GRIN2B: variants seen among roughly 807,000 people sequenced by gnomAD.
GRIN2B encodes the protein glutamate receptor ionotropic, NMDA 2B.
Under a neutral mutation model 114.5 loss-of-function variants are expected in GRIN2B, and 5 were observed. The ratio of observed to expected loss-of-function variants is 0.04; its 90% confidence interval spans 0.02 to 0.09. GRIN2B has a LOEUF of 0.09. GRIN2B is among the 10% of genes least tolerant of loss of function. The pLI is 1.00. For missense variants in GRIN2B, 1,108 were observed against 1,943.5 expected, an observed-to-expected ratio of 0.57 and a Z score of 8.08; for synonymous variants, 787 against 745.1, an observed-to-expected ratio of 1.06 and a Z score of -0.92.
At chr12:13,962,165 T>G (rs1450149885) in intron 2 of GRIN2B, among the ~76,000 whole-genome samples, 1 of 149,372 alleles carries the variant, frequency 6.7e-6, no homozygotes, top group Non-Finnish European at 1.5e-5. Flanking sequence ...GCAGGGAGCA[T>G]GGCTTTGCTT....
At chr12:13,761,825 T>C (rs551649759) in intron 3 of GRIN2B, among the ~76,000 whole-genome samples, 8 of 151,908 alleles carry the variant, frequency 5.3e-5, no homozygotes, top group Non-Finnish European at 8.8e-5. Context: ...TGGAAAAAAA[T>C]GAAATGAATA....
At chr12:13,817,330 ACTGACTG>A (rs147254565) in intron 3 of GRIN2B, among the ~76,000 whole-genome samples, 24,180 of 152,000 alleles carry the variant, frequency 0.16, 2,388 homozygotes, top group Non-Finnish European at 0.22. Flanking sequence ...AGCAACGCCC[ACTGACTG>A]GGAGCAAACC....
In GRIN2B at chr12:13,959,586, C is replaced by T. The variant is rs77911206; in HGVS notation, c.-19+20342G>A. Among the ~76,000 whole-genome samples, 489 of 151,914 alleles carry T rather than the reference C, an allele frequency of 3.2e-3. 4 individuals are homozygous for T. Among genetic ancestry groups the T allele is most frequent in the South Asian group, 8.9e-3 (43 of 4,820 alleles). On this transcript the variant is annotated intron_variant, in intron 2 of 13. Transcript: ENST00000609686. ...AAAATGAGGATCCAAGGAAACCATG[C>T]GGAGGGAGAACCGGCTGACATTGGC... is the stretch of plus-strand genomic sequence containing the variant.
intron 2 of GRIN2B, among the ~76,000 whole-genome samples, chr12:13,896,570 A>G (rs1260379747): frequency 6.6e-6 from 1 of 152,206 alleles, no homozygotes; most frequent in Non-Finnish European, 1.5e-5. Flanking sequence ...GTACAACTAC[A>G]TGGCAATGAT....
rs777639067 is a variant in GRIN2B, at chr12:13,563,733, C to T, written c.3505G>A (p.Gly1169Arg). Reference sequence around the variant, plus strand: ...GACCTGTTGGTACAGGGCCCTCCTCCGCTGACGGAGTCGCGCTTAAAGTCA... The same window carrying T: ...GACCTGTTGGTACAGGGCCCTCCTCTGCTGACGGAGTCGCGCTTAAAGTCA... ...SDDFKRDSVS[G>R]GGPCTNRSHI... is the part of the protein sequence containing the mutation. Residue 1169 changes from glycine to arginine, a missense_variant, in exon 14 of 14, where the codon GGA becomes AGA. Around this residue, in one of 19 missense-constraint regions of GRIN2B, gnomAD observed 478 missense variants for 506.0 expected, o/e 0.94. Coordinates refer to ENST00000609686, the MANE Select transcript of GRIN2B (RefSeq NM_000834.5). 1.1e-5 allele frequency: 17 copies of T among 1,613,768 alleles called. No homozygotes were observed. In the East Asian group the frequency reaches 2.2e-4, roughly 21 times the overall value.
intron 2 of GRIN2B, among the ~76,000 whole-genome samples, chr12:13,931,656 T>C (rs928358644): frequency 2.0e-5 from 3 of 152,196 alleles, no homozygotes; most frequent in Non-Finnish European, 4.4e-5. Context: ...AAATCAGAAA[T>C]ACCTTAAACT....
intron 2 of GRIN2B, among the ~76,000 whole-genome samples, chr12:13,903,488 T>A (rs1186715828): frequency 6.6e-6 from 1 of 152,114 alleles, no homozygotes; most frequent in Non-Finnish European, 1.5e-5. Flanking sequence ...TTAACACGAG[T>A]TATTTATCCA....
intron 3 of GRIN2B, among the ~76,000 whole-genome samples, chr12:13,786,903 C>T (rs1405107000): frequency 6.6e-6 from 1 of 151,812 alleles, no homozygotes; most frequent in African/African-American, 2.4e-5. Context: ...GTGCCTAGTC[C>T]TCCCGGTTTG....
At chr12:13,574,119 G>T (rs193055342) in intron 10 of GRIN2B, among the ~76,000 whole-genome samples, 729 of 152,240 alleles carry the variant, frequency 4.8e-3, no homozygotes, top group Non-Finnish European at 7.8e-3. Context: ...ACCCAAAGAG[G>T]GTAAGTAATT....
chr12:13,795,723 G>A (rs772233344), intron 3 of GRIN2B, among the ~76,000 whole-genome samples: 10 of 152,150 alleles, frequency 6.6e-5, no homozygotes, highest in Admixed American at 3.9e-4. Flanking sequence ...AAAATGTGGC[G>A]CATATACACC....
intron 4 of GRIN2B, among the ~76,000 whole-genome samples, chr12:13,703,504 T>C (rs761464022): frequency 2.0e-5 from 3 of 152,224 alleles, no homozygotes; most frequent in Non-Finnish European, 4.4e-5. Flanking sequence ...GGCATCAATA[T>C]GCAAATACAA....
intron 2 of GRIN2B, among the ~76,000 whole-genome samples, chr12:13,892,067 C>T (rs1204345250): frequency 6.6e-6 from 1 of 152,218 alleles, no homozygotes; most frequent in African/African-American, 2.4e-5. Context: ...GACAATCATA[C>T]TTGCCCAGGA....
intron 4 of GRIN2B, among the ~76,000 whole-genome samples, chr12:13,692,768 T>C (rs1468622565): frequency 0.012 from 1,479 of 118,360 alleles, 51 homozygotes; most frequent in Non-Finnish European, 0.014. Context: ...TTCTTTTTTT[T>C]TTTTTTTTTT....
intron 4 of GRIN2B, among the ~76,000 whole-genome samples, chr12:13,693,586 A>AC (rs1950232792): frequency 6.6e-6 from 1 of 152,136 alleles, no homozygotes; most frequent in Admixed American, 6.5e-5. Flanking sequence ...TGGGTCCCTG[A>AC]CATTGGCCTG....
intron 3 of GRIN2B, among the ~76,000 whole-genome samples, chr12:13,782,304 C>A (rs1265995836): frequency 6.6e-6 from 1 of 152,110 alleles, no homozygotes; most frequent in African/African-American, 2.4e-5. Flanking sequence ...CACACTCTCT[C>A]TCTCTCTCCC....
intron 3 of GRIN2B, among the ~76,000 whole-genome samples, chr12:13,827,606 A>G (rs930398511): frequency 1.3e-5 from 2 of 148,646 alleles, no homozygotes; most frequent in Non-Finnish European, 3.0e-5. Context: ...GAGTCATTTA[A>G]AAGATGTCTT....
intron 2 of GRIN2B, among the ~76,000 whole-genome samples, chr12:13,927,229 T>G (rs1866933820): frequency 6.6e-6 from 1 of 152,142 alleles, no homozygotes; most frequent in African/African-American, 2.4e-5. Flanking sequence ...TGCTAGAAGT[T>G]TAATTCTTTT....
chr12:13,792,694 A>G (rs1041892929), intron 3 of GRIN2B, among the ~76,000 whole-genome samples: 13 of 152,246 alleles, frequency 8.5e-5, no homozygotes, highest in African/African-American at 3.1e-4. Flanking sequence ...GAAAGAGGCC[A>G]TGGTGCAAGG....
chr12:13,625,656 T>C (rs1396117282), intron 5 of GRIN2B, among the ~76,000 whole-genome samples: 1 of 152,176 alleles, frequency 6.6e-6, no homozygotes, highest in Non-Finnish European at 1.5e-5. Flanking sequence ...AAGGGGGAAA[T>C]ACTGAACAAA....
Sources: gnomAD v4.1 joint callset for allele counts (sites outside exome capture counted in the v4.1 genomes callset) on GRCh38, gnomAD v4.1.1 for gene constraint, gnomAD v4.1.1 regional missense constraint, MANE v1.5 for transcripts, NCBI Gene and HGNC (gene_info 2026-07-23, HGNC 2026-07-21) for gene names.